Variants in EPHB1 observed in about 807,000 individuals in gnomAD.
EPHB1 encodes ephrin type-B receptor 1.
In EPHB1, 30 loss-of-function variants were observed where a neutral mutation model predicts 94.4. That is an observed-to-expected ratio of 0.32 (90% confidence interval 0.24 to 0.43). The LOEUF (loss-of-function observed/expected upper bound fraction) is 0.43, where lower values mean the gene tolerates loss of function less well. Ranked by LOEUF, EPHB1 falls within the 20% of genes least tolerant of loss-of-function variation. The pLI, the probability that EPHB1 is intolerant of heterozygous loss-of-function variation, is 1.00. For missense variants in EPHB1, 1,055 were observed against 1,308.3 expected (o/e 0.81, Z 2.99); for synonymous variants, 522 against 489.1 (o/e 1.07, Z -0.89).
At chr3:135,228,242 G>A (rs1485962102) in intron 12 of EPHB1, among the ~76,000 whole-genome samples, 1 of 151,858 alleles carries the variant, frequency 6.6e-6, no homozygotes, top group Non-Finnish European at 1.5e-5. Flanking sequence ...AATTTTTAAA[G>A]GATACCTTTC....
intron 12 of EPHB1, among the ~76,000 whole-genome samples, chr3:135,207,917 T>A (rs1013892931): frequency 1.3e-5 from 2 of 152,194 alleles, no homozygotes; most frequent in Non-Finnish European, 1.5e-5. Context: ...ATCAATCCCA[T>A]CTTGGGGACT....
At chr3:134,890,825 G>A (rs1039477027) in intron 1 of EPHB1, among the ~76,000 whole-genome samples, 1 of 151,752 alleles carries the variant, frequency 6.6e-6, no homozygotes, top group Admixed American at 6.6e-5. Context: ...TGTCTCTTTT[G>A]TTGCTATTAT....
chr3:135,198,085 T>C (rs1203794785), intron 11 of EPHB1, among the ~76,000 whole-genome samples: 1 of 152,140 alleles, frequency 6.6e-6, no homozygotes, highest in Non-Finnish European at 1.5e-5. Context: ...AAGCACAGGA[T>C]AGGAGTTAGA....
chr3:135,086,942 C>G (rs1330549494), intron 3 of EPHB1, among the ~76,000 whole-genome samples: 1 of 152,078 alleles, frequency 6.6e-6, no homozygotes. Flanking sequence ...TTTTTTGCCT[C>G]CAGCATGCTT....
At chr3:135,173,280 C>G (rs544361173) in intron 9 of EPHB1, among the ~76,000 whole-genome samples, 1 of 151,954 alleles carries the variant, frequency 6.6e-6, no homozygotes, top group African/African-American at 2.4e-5. Flanking sequence ...GTGATCCGCC[C>G]GCCTCGGCCT....
intron 2 of EPHB1, among the ~76,000 whole-genome samples, chr3:134,945,156 G>A (rs2039193057): frequency 6.6e-6 from 1 of 152,112 alleles, no homozygotes; most frequent in Non-Finnish European, 1.5e-5. Flanking sequence ...CACTTTATCT[G>A]TGGTAAGTAA....
intron 15 of EPHB1, among the ~76,000 whole-genome samples, chr3:135,257,274 T>C (rs1432108524): frequency 1.3e-5 from 2 of 152,208 alleles, no homozygotes; most frequent in Admixed American, 6.5e-5. Context: ...CTGCGTTCCT[T>C]TGGAGGAGGA....
At chr3:135,132,638 C>A in intron 4 of EPHB1, 76 bp from the exon 5 acceptor site, 1 of 1,364,388 alleles carries the variant, frequency 7.3e-7, no homozygotes, top group Non-Finnish European at 9.9e-7. Flanking sequence ...TGGGAATGCA[C>A]CAGAGGCAGA....
chr3:135,039,751 C>G (rs1936773174), intron 3 of EPHB1, among the ~76,000 whole-genome samples: 1 of 152,240 alleles, frequency 6.6e-6, no homozygotes, highest in Admixed American at 6.5e-5. Context: ...CCATGCCCAC[C>G]CGGAACTCAA....
chr3:134,842,538 A>G (rs1304264641), intron 1 of EPHB1, among the ~76,000 whole-genome samples: 1 of 152,182 alleles, frequency 6.6e-6, no homozygotes, highest in Admixed American at 6.5e-5. Context: ...ATTAAAAACA[A>G]AACCCAAAAT....
At chr3:135,143,462 G>C (rs564444701) in intron 5 of EPHB1, among the ~76,000 whole-genome samples, 1 of 152,182 alleles carries the variant, frequency 6.6e-6, no homozygotes, top group South Asian at 2.1e-4. Flanking sequence ...TCCTCCAGCT[G>C]CATTAGGGGT....
chr3:134,856,172 G>T (rs2037112375), intron 1 of EPHB1, among the ~76,000 whole-genome samples: 2 of 152,334 alleles, frequency 1.3e-5, no homozygotes, highest in Middle Eastern at 3.4e-3. Context: ...GGTTGGGAAA[G>T]GTTGTGAGGT....
Position 135,201,646 on chromosome 3 carries a change from A to G in EPHB1, c.2303A>G (p.Tyr768Cys). The change falls in exon 12 of 16, where the codon TAC becomes TGC. Residue 768 changes from tyrosine (Y) to cysteine (C), a missense_variant. Physicochemically the swap from Tyr to Cys is radical, Grantham distance 194. Transcript: ENST00000398015. The part of the protein sequence containing the change: ...CKVSDFGLSR[Y>C]LQDDTSDPTY... The stretch of plus-strand genomic sequence containing the variant: ...GTGTCCGACTTTGGCCTCTCCCGCT[A>G]CCTCCAGGATGACACCTCAGATCCC... The G allele has an allele frequency of 2.5e-6, 4 of 1,613,612 alleles. No individual in the cohort carries two copies. The highest frequency in any genetic ancestry group is 3.4e-6 in the Non-Finnish European group (4 of 1,179,876).
At chr3:135,256,180 A>G (rs1306030828) in intron 15 of EPHB1, among the ~76,000 whole-genome samples, 1 of 152,142 alleles carries the variant, frequency 6.6e-6, no homozygotes, top group Non-Finnish European at 1.5e-5. Context: ...CCAATTTGCC[A>G]GTCTGTGTCT....
intron 1 of EPHB1, among the ~76,000 whole-genome samples, chr3:134,925,213 G>A (rs1265810431): frequency 6.6e-6 from 1 of 152,194 alleles, no homozygotes; most frequent in African/African-American, 2.4e-5. Flanking sequence ...GATGTGGGAT[G>A]TGTGTTTGTG....
At chr3:135,257,821 G>A (rs1202780902) in intron 15 of EPHB1, among the ~76,000 whole-genome samples, 1 of 152,146 alleles carries the variant, frequency 6.6e-6, no homozygotes, top group Non-Finnish European at 1.5e-5. Context: ...CCTGGCTGCT[G>A]CCTTGCAGTT....
intron 1 of EPHB1, among the ~76,000 whole-genome samples, chr3:134,924,210 G>A (rs546016798): frequency 1.9e-4 from 29 of 152,242 alleles, no homozygotes; most frequent in Admixed American, 1.2e-3. Context: ...TTCAGACACA[G>A]CACTAAACTG....
chr3:134,898,141 G>T (rs1355652596), intron 1 of EPHB1, among the ~76,000 whole-genome samples: 1 of 152,154 alleles, frequency 6.6e-6, no homozygotes, highest in East Asian at 1.9e-4. Context: ...GCCTGGGAAG[G>T]CAGTTGGGGG....
chr3:135,186,261 C>T (rs371918194), intron 10 of EPHB1, among the ~76,000 whole-genome samples: 2 of 152,198 alleles, frequency 1.3e-5, no homozygotes, highest in Admixed American at 6.5e-5. Context: ...GGTTCCATCT[C>T]ATGTGCCAAC....
Sources: gnomAD v4.1 joint callset for allele counts (sites outside exome capture counted in the v4.1 genomes callset) on GRCh38, gnomAD v4.1.1 for gene constraint, MANE v1.5 for transcripts, NCBI Gene and HGNC (gene_info 2026-07-23, HGNC 2026-07-21) for gene names.